The following DCLK1 variants were observed in gnomAD, a reference collection of about 807,000 sequenced individuals.
The protein encoded by DCLK1 is serine/threonine-protein kinase DCLK1.
Under a neutral mutation model 86.2 loss-of-function variants are expected in DCLK1, and 16 were observed. That is an observed-to-expected ratio of 0.19 (90% CI 0.13 to 0.28). The LOEUF is 0.28. DCLK1 is among the 10% of genes least tolerant of loss of function. The pLI, the probability that DCLK1 is intolerant of heterozygous loss-of-function variation, is 1.00. For missense variants in DCLK1, 590 were observed against 940.2 expected (o/e 0.63, Z 4.87); for synonymous variants, 369 against 370.5 (o/e 1.00, Z 0.05).
At chr13:35,996,651 T>G (rs1880491534) in intron 3 of DCLK1, among the ~76,000 whole-genome samples, 1 of 152,118 alleles carries the variant, frequency 6.6e-6, no homozygotes, top group Non-Finnish European at 1.5e-5. Flanking sequence ...CCTGAGTATT[T>G]TGAACTTGCC....
rs536490658 is a variant in DCLK1, at chr13:36,026,256, A to C, written c.724-78799T>G. On this transcript the variant is annotated intron_variant, in intron 3 of 16. Coordinates refer to ENST00000360631, the MANE Select transcript of DCLK1 (RefSeq NM_001330071.2). Reference sequence around the variant, plus strand: ...TGACACTTGTCAGCTTTTTTAAAGAATATGCTAGAGCAGTGAATATTGAAA... The same window carrying C: ...TGACACTTGTCAGCTTTTTTAAAGACTATGCTAGAGCAGTGAATATTGAAA... 3.3e-5 allele frequency among the ~76,000 whole-genome samples: 5 copies of C among 152,302 alleles called. No individual in the cohort carries two copies. The South Asian group carries it at 1.0e-3, about 32-fold the overall frequency.
At position 35,954,701 on chromosome 13, in the gene DCLK1, A is replaced by G. The variant is rs531323002; in HGVS notation, c.724-7244T>C. ...GCTTCTAATAAAAAATTCTTTAAAG[A>G]ATCTCTGGATCTTGGCCAGAGGAAA... On this transcript the variant is annotated intron_variant, in intron 3 of 16. Transcript: ENST00000360631. Among the ~76,000 whole-genome samples, 4 of 152,260 alleles carry G rather than the reference A, an allele frequency of 2.6e-5. No homozygotes were observed. In the South Asian group the frequency reaches 8.3e-4, roughly 32 times the overall value.
chr13:35,864,006 C>T (rs1245217589), intron 5 of DCLK1, among the ~76,000 whole-genome samples: 1 of 152,136 alleles, frequency 6.6e-6, no homozygotes, highest in Non-Finnish European at 1.5e-5. Context: ...ATTAACTGAG[C>T]CATTTGGGTT....
At chr13:35,796,954 G>A (rs1037751089) in intron 15 of DCLK1, among the ~76,000 whole-genome samples, 10 of 152,190 alleles carry the variant, frequency 6.6e-5, no homozygotes, top group African/African-American at 9.7e-5. Flanking sequence ...TAAAAGAGAC[G>A]CTGAGCATTT....
chr13:36,123,485 G>A (rs1357463336), intron 2 of DCLK1, among the ~76,000 whole-genome samples: 2 of 152,106 alleles, frequency 1.3e-5, no homozygotes, highest in Non-Finnish European at 2.9e-5. Flanking sequence ...AGAATATTCA[G>A]TCGGCAGTTA....
chr13:36,116,269 A>G (rs1395463094), intron 2 of DCLK1, among the ~76,000 whole-genome samples: 2 of 152,120 alleles, frequency 1.3e-5, no homozygotes, highest in Admixed American at 6.5e-5. Flanking sequence ...AAATGATCAT[A>G]CTGGCCATTA....
intron 4 of DCLK1, among the ~76,000 whole-genome samples, chr13:35,892,721 C>CAA (rs1266610890): frequency 3.9e-5 from 6 of 152,192 alleles, no homozygotes; most frequent in Non-Finnish European, 8.8e-5. Flanking sequence ...GATAAAGGGA[C>CAA]AGTCACCTAA....
At chr13:36,048,797 C>G (rs117654926) in intron 3 of DCLK1, among the ~76,000 whole-genome samples, 1 of 152,158 alleles carries the variant, frequency 6.6e-6, no homozygotes, top group Admixed American at 6.5e-5. Flanking sequence ...TGCAAGTTTA[C>G]GACTGCCATT....
At chr13:35,984,813 T>C (rs567697472) in intron 3 of DCLK1, among the ~76,000 whole-genome samples, 94 of 152,258 alleles carry the variant, frequency 6.2e-4, no homozygotes, top group Admixed American at 2.5e-3. Flanking sequence ...GAATGTTCCC[T>C]CTGCCTATCT....
chr13:35,782,273 A>C (rs1300315501), intron 16 of DCLK1, among the ~76,000 whole-genome samples: 1 of 152,094 alleles, frequency 6.6e-6, no homozygotes, highest in Non-Finnish European at 1.5e-5. Context: ...TCAGACAGTT[A>C]AAATTACAGC....
At chr13:35,792,533 T>C (rs1593592958) in intron 16 of DCLK1, among the ~76,000 whole-genome samples, 1 of 152,186 alleles carries the variant, frequency 6.6e-6, no homozygotes, top group Non-Finnish European at 1.5e-5. Context: ...ATTCTTTGTT[T>C]GGAGAAGAAA....
At chr13:35,860,616 A>G (rs1871326351) in intron 5 of DCLK1, among the ~76,000 whole-genome samples, 1 of 152,162 alleles carries the variant, frequency 6.6e-6, no homozygotes, top group African/African-American at 2.4e-5. Flanking sequence ...AAGGCTCCAA[A>G]CCTCAGGAAA....
At chr13:35,963,717 T>G (rs929188159) in intron 3 of DCLK1, among the ~76,000 whole-genome samples, 1 of 152,172 alleles carries the variant, frequency 6.6e-6, no homozygotes, top group African/African-American at 2.4e-5. Flanking sequence ...CCCATGCTGT[T>G]CTCGTGATAG....
At chr13:36,088,840 C>T (rs9546331) in intron 3 of DCLK1, among the ~76,000 whole-genome samples, 46,926 of 152,040 alleles carry the variant, frequency 0.31, 7,645 homozygotes, top group East Asian at 0.53. Flanking sequence ...TCATAATAAC[C>T]CAAGAACACT....
rs1424734656 is a variant in DCLK1, at chr13:35,876,755, G to A, written c.824-5415C>T. ...TTCCCCCTCTCACATGGGGGCATTT[G>A]CCTTTGGGGGCCATCACTTCTTTAC... On this transcript the variant is annotated intron_variant, in intron 4 of 16. Transcript: ENST00000360631. Among the ~76,000 whole-genome samples, 7 of 152,302 alleles carry A rather than the reference G, an allele frequency of 4.6e-5. No homozygotes were observed. In the East Asian group the frequency reaches 1.4e-3, roughly 29 times the overall value.
chr13:35,917,695 C>T (rs1451640782), intron 4 of DCLK1, among the ~76,000 whole-genome samples: 1 of 152,116 alleles, frequency 6.6e-6, no homozygotes, highest in Non-Finnish European at 1.5e-5. Context: ...ATTCGAAACC[C>T]AGCTGCATGC....
At position 35,771,716 on chromosome 13, in the gene DCLK1, CCAT is replaced by C. The variant is rs1159333683; in HGVS notation, c.*2816_*2818del. On this transcript the variant is annotated 3_prime_UTR_variant, in exon 17 of 17. Transcript: ENST00000360631. ...GACGGTCCCCATCACCAGGCCACCA[CCAT>C]AAGAGAGCTATATTAAATACTTGGG... is the stretch of plus-strand genomic sequence containing the variant. 1 of 152,052 alleles carries C rather than the reference CCAT, an allele frequency of 6.6e-6. No homozygotes were observed. The highest frequency in any genetic ancestry group is 2.4e-5 in the African/African-American group (1 of 41,388). 9.4% of individuals were successfully genotyped at this position (152,052 alleles called of 1,614,324 possible).
intron 6 of DCLK1, among the ~76,000 whole-genome samples, chr13:35,853,123 A>C (rs566377566): frequency 2.0e-5 from 3 of 152,288 alleles, no homozygotes; most frequent in East Asian, 3.9e-4. Context: ...AGAGTAAATA[A>C]ATTTGGCCAA....
chr13:35,791,892 G>A (rs1472299508), intron 16 of DCLK1, among the ~76,000 whole-genome samples: 1 of 152,194 alleles, frequency 6.6e-6, no homozygotes, highest in Non-Finnish European at 1.5e-5. Context: ...GGAATCAAAT[G>A]TTTGGAATAG....
Sources: allele counts gnomAD v4.1 joint callset (sites outside exome capture counted in the v4.1 genomes callset), GRCh38; gene constraint gnomAD v4.1.1; transcripts MANE v1.5; gene names NCBI Gene and HGNC (gene_info 2026-07-23, HGNC 2026-07-21).